GAB1: variants seen among roughly 807,000 people sequenced by gnomAD.
GAB1 encodes the protein GRB2-associated-binding protein 1.
A neutral mutation model predicts 66.5 loss-of-function variants in GAB1; 19 were observed. The observed-to-expected ratio is 0.29, with a 90% CI of 0.20 to 0.42. The LOEUF (loss-of-function observed/expected upper bound fraction) is 0.42, where lower values mean the gene tolerates loss of function less well. GAB1 is among the 10% of genes least tolerant of loss of function. GAB1 has a pLI of 1.00. For missense variants in GAB1, 732 were observed against 858.5 expected (o/e 0.85, Z 1.84); for synonymous variants, 294 against 301.4 (o/e 0.98, Z 0.25).
At chr4:143,410,925 C>A (rs549834319) in intron 1 of GAB1, among the ~76,000 whole-genome samples, 60 of 152,288 alleles carry the variant, frequency 3.9e-4, no homozygotes, top group Non-Finnish European at 6.3e-4. Flanking sequence ...TCAGTACATT[C>A]AAATGCACAG....
chr4:143,349,992 G>C (rs1362777997), intron 1 of GAB1: 2 of 1,581,084 alleles, frequency 1.3e-6, no homozygotes, highest in African/African-American at 1.3e-5. Flanking sequence ...CCTTATCCTC[G>C]GCCTTGCCTC....
At position 143,378,031 on chromosome 4, in the gene GAB1, C is replaced by T. The variant is rs1730487946; in HGVS notation, c.73-37446C>T. Among the ~76,000 whole-genome samples, 6 of 152,150 alleles carry T rather than the reference C, an allele frequency of 3.9e-5. No individual in the cohort carries two copies. The South Asian group carries it at 1.2e-3, about 32-fold the overall frequency. ...ATTAGCCCTCAAAGATTATTTAACT[C>T]ATCATATACTCACACGCTTTGCCGT... On this transcript the variant is annotated intron_variant, in intron 1 of 9. Transcript: ENST00000262994.
rs562942557 is a variant in GAB1, at chr4:143,365,555, C to T, written c.72+28295C>T. On this transcript the variant is annotated intron_variant, in intron 1 of 9. Transcript: ENST00000262994. ...CTCTATACCCCTCTTGACAACTTTA[C>T]CCTGTTCTGATTTTTCACCTGTGTA... is the stretch of plus-strand genomic sequence containing the variant. 9.9e-5 allele frequency among the ~76,000 whole-genome samples: 15 copies of T among 152,188 alleles called. No homozygotes were observed. In the South Asian group the frequency reaches 3.1e-3, roughly 32 times the overall value.
At chr4:143,437,962 C>T in intron 3 of GAB1, 37 bp from the exon 4 acceptor site, 2 of 1,568,434 alleles carry the variant, frequency 1.3e-6, no homozygotes, top group Non-Finnish European at 1.7e-6. Context: ...TCTTAGTCTC[C>T]ACCTTGTTTA....
intron 1 of GAB1, among the ~76,000 whole-genome samples, chr4:143,354,292 T>A (rs1729354404): frequency 6.6e-6 from 1 of 151,758 alleles, no homozygotes; most frequent in South Asian, 2.1e-4. Flanking sequence ...TAACTTTTTT[T>A]CAGATTTTTT....
chr4:143,347,414 C>T (rs771585417), intron 1 of GAB1, among the ~76,000 whole-genome samples: 4 of 152,200 alleles, frequency 2.6e-5, no homozygotes, highest in African/African-American at 4.8e-5. Context: ...TTACACATAT[C>T]TCCTTCTCCA....
intron 6 of GAB1, among the ~76,000 whole-genome samples, chr4:143,456,197 C>A (rs1735177409): frequency 1.3e-5 from 2 of 152,198 alleles, no homozygotes; most frequent in South Asian, 4.1e-4. Flanking sequence ...GTGGCTTACG[C>A]CTGTAATCCC....
At chr4:143,399,142 A>G (rs909002125) in intron 1 of GAB1, among the ~76,000 whole-genome samples, 1 of 152,328 alleles carries the variant, frequency 6.6e-6, no homozygotes, top group African/African-American at 2.4e-5. Context: ...ATTTTGTTTT[A>G]GTTATTCACG....
chr4:143,458,739 T>C (rs1446737165), intron 6 of GAB1, among the ~76,000 whole-genome samples: 1 of 152,098 alleles, frequency 6.6e-6, no homozygotes, highest in Non-Finnish European at 1.5e-5. Context: ...TAGCAAGAGA[T>C]TTGTTGCTTA....
chr4:143,436,790 AAGTAGAAATATT>A (rs1463913117), intron 3 of GAB1, among the ~76,000 whole-genome samples: 3 of 152,196 alleles, frequency 2.0e-5, no homozygotes, highest in Non-Finnish European at 2.9e-5. Context: ...TGGAGTAACC[AAGTAGAAATATT>A]AGTTTGAGAA....
chr4:143,417,271 A>G (rs932516902), intron 2 of GAB1, among the ~76,000 whole-genome samples: 1 of 152,170 alleles, frequency 6.6e-6, no homozygotes, highest in Admixed American at 6.5e-5. Context: ...TGAGTGAAAA[A>G]GGCCCAGGGA....
intron 1 of GAB1, among the ~76,000 whole-genome samples, chr4:143,382,443 A>G (rs1372966881): frequency 6.6e-6 from 1 of 152,042 alleles, no homozygotes; most frequent in East Asian, 1.9e-4. Context: ...ACTTGCTTTT[A>G]TTTTCTGCTT....
chr4:143,370,578 T>C (rs2149665575), intron 1 of GAB1, among the ~76,000 whole-genome samples: 1 of 152,300 alleles, frequency 6.6e-6, no homozygotes, highest in African/African-American at 2.4e-5. Flanking sequence ...ATTAAAGTTC[T>C]AGGGTACATG....
intron 1 of GAB1, among the ~76,000 whole-genome samples, chr4:143,408,365 A>G (rs778207670): frequency 6.6e-5 from 10 of 152,192 alleles, no homozygotes; most frequent in Non-Finnish European, 1.2e-4. Flanking sequence ...TGGCCCTTTC[A>G]TCTGACCTAT....
intron 1 of GAB1, among the ~76,000 whole-genome samples, chr4:143,357,622 A>G (rs1340338884): frequency 6.6e-6 from 1 of 151,980 alleles, no homozygotes; most frequent in Non-Finnish European, 1.5e-5. Context: ...TGGCATTTGA[A>G]TCTAGAATCT....
chr4:143,468,839 C>G (rs1182263198), intron 9 of GAB1, among the ~76,000 whole-genome samples, 192 bp from the exon 10 acceptor site: 1 of 152,052 alleles, frequency 6.6e-6, no homozygotes, highest in Non-Finnish European at 1.5e-5. Flanking sequence ...AGGAGAATTG[C>G]TTGAACCCAG....
intron 6 of GAB1, among the ~76,000 whole-genome samples, chr4:143,441,815 C>G (rs1049584892): frequency 1.4e-4 from 21 of 152,204 alleles, no homozygotes; most frequent in African/African-American, 3.9e-4. Flanking sequence ...GGCCTCAGTT[C>G]TGCCTCCTAG....
At chr4:143,376,245 A>G (rs1205013887) in intron 1 of GAB1, among the ~76,000 whole-genome samples, 1 of 152,206 alleles carries the variant, frequency 6.6e-6, no homozygotes, top group Non-Finnish European at 1.5e-5. Context: ...TTGTAGGGTT[A>G]TTTGTTTTAA....
In GAB1 at chr4:143,472,859, T is replaced by G. The variant is rs557456119; in HGVS notation, c.*3670T>G. 1 of 152,338 alleles carries G rather than the reference T, an allele frequency of 6.6e-6. No homozygotes were observed. The highest frequency in any genetic ancestry group is 2.1e-4 in the South Asian group (1 of 4,834). The allele number at this position is 152,338 out of a possible 1,614,324, so 9.4% of individuals were successfully genotyped here. A position where few individuals can be genotyped will look rare whatever the true frequency, so the allele number is the denominator to read the frequency against. On this transcript the variant is annotated 3_prime_UTR_variant, in exon 10 of 10. Coordinates refer to ENST00000262994, the MANE Select transcript of GAB1 (RefSeq NM_002039.4). ...ACTGTCAATAACATCTGATGTTACA[T>G]GCACATTTATATATATATAATTTTA...
Sources: gnomAD v4.1 joint callset for allele counts (sites outside exome capture counted in the v4.1 genomes callset) on GRCh38, gnomAD v4.1.1 for gene constraint, MANE v1.5 for transcripts, NCBI Gene and HGNC (gene_info 2026-07-23, HGNC 2026-07-21) for gene names.